Variants in ADGRL1 observed in about 807,000 individuals in gnomAD.
ADGRL1 encodes the protein CIRL-1.
In ADGRL1, 31 loss-of-function variants were observed where a neutral mutation model predicts 148.9. That is an observed-to-expected ratio of 0.21 (90% confidence interval 0.16 to 0.28). The LOEUF is 0.28. Ranked by LOEUF, ADGRL1 falls within the 10% of genes least tolerant of loss-of-function variation. The pLI, the probability that ADGRL1 is intolerant of heterozygous loss-of-function variation, is 1.00. For synonymous variants in ADGRL1, 937 were observed against 900.3 expected, an observed-to-expected ratio of 1.04 and a Z score of -0.73; for missense variants, 1,521 against 2,058.8, an observed-to-expected ratio of 0.74 and a Z score of 5.05.
chr19:14,163,465 G>GGAGA (rs71170599), intron 4 of ADGRL1, 59 bp from the exon 5 acceptor site: 9,288 of 700,420 alleles, frequency 0.013, 76 homozygotes, highest in African/African-American at 0.056. Flanking sequence ...GCGAGAGGGA[G>GGAGA]GAGAGAGAGA....
rs1968843224 is a variant in ADGRL1, at chr19:14,157,096, G to A, written c.2795C>T (p.Ala932Val). The A allele has an allele frequency of 5.0e-6, 8 of 1,614,144 alleles. No homozygotes were observed. The highest frequency in any genetic ancestry group is 6.8e-6 in the Non-Finnish European group (8 of 1,180,020). ...AGLLHYFFLA[A>V]FSWLCLEGVH... ...GCCCTCCAGGCACAGCCAGGAGAAG[G>A]CAGCCAGGAAGAAATAGTGCAGCAG... The change falls in exon 15 of 23, where the codon GCC (alanine) becomes GTC (valine). Residue 932 changes from alanine (A) to valine (V), a missense_variant. Transcript: ENST00000361434. This position sits in a 1 kb window ranked among gnomAD's most constrained non-coding sequence, Gnocchi z 7.5.
chr19:14,154,387 TC>T (rs1968518344), intron 18 of ADGRL1, among the ~76,000 whole-genome samples: 1 of 152,180 alleles, frequency 6.6e-6, no homozygotes, highest in Non-Finnish European at 1.5e-5. Context: ...CAGCTCCGTC[TC>T]CCCAGCTTCA....
chr19:14,157,141 G>A lies in ADGRL1; in HGVS notation c.2750C>T (p.Ala917Val), dbSNP rs752146728. The change falls in exon 15 of 23, where the codon GCC (alanine) becomes GTC (valine). Residue 917 changes from alanine to valine, a missense_variant. By Grantham distance (64) the Ala-to-Val change is moderately conservative. Coordinates refer to ENST00000361434, the MANE Select transcript of ADGRL1 (RefSeq NM_014921.5). This position sits in a 1 kb window ranked among gnomAD's most constrained non-coding sequence, Gnocchi z 7.5. ...CAGCAGGCCGGCGAAGATGGGGCAG[G>A]CAATCTGCGGGGAGCACTGAGGGTG... Reference protein sequence around the residue: ...VGIDKTQYEIACPIFAGLLHY... With the variant: ...VGIDKTQYEIVCPIFAGLLHY... The A allele has an allele frequency of 2.5e-6, 4 of 1,613,992 alleles. No individual in the cohort carries two copies. The highest frequency in any genetic ancestry group is 1.7e-4 in the Middle Eastern group (1 of 6,060).
intron 1 of ADGRL1, among the ~76,000 whole-genome samples, chr19:14,192,485 C>T (rs773761165): frequency 6.6e-6 from 1 of 151,912 alleles, no homozygotes; most frequent in Non-Finnish European, 1.5e-5. Flanking sequence ...AGGTGATCCA[C>T]CTGCCTTGGT....
chr19:14,151,033 A>G lies in ADGRL1; in HGVS notation c.4250T>C (p.Ile1417Thr). 1 of 1,065,438 alleles carries G rather than the reference A, an allele frequency of 9.4e-7. No individual in the cohort carries two copies. Among genetic ancestry groups the G allele is most frequent in the Non-Finnish European group, 1.2e-6 (1 of 844,930 alleles). 66.0% of individuals were successfully genotyped at this position (1,065,438 alleles called of 1,614,324 possible). A position where few individuals can be genotyped will look rare whatever the true frequency, so the allele number is the denominator to read the frequency against. Residue 1417 changes from isoleucine (I) to threonine (T), a missense_variant, in exon 23 of 23, where the codon ATC (isoleucine) becomes ACC (threonine). Physicochemically the swap from Ile to Thr is moderately conservative, Grantham distance 89. Coordinates refer to ENST00000361434, the MANE Select transcript of ADGRL1 (RefSeq NM_014921.5). ...GGCTGGCGGGCGCGAGGTGTAGTAG[A>G]TTTCGGGGGGGCCGGGGGGTGCGGG... is the stretch of plus-strand genomic sequence containing the variant. ...PPPAPPGPPE[I>T]YYTSRPPALV...
intron 3 of ADGRL1, among the ~76,000 whole-genome samples, chr19:14,175,504 ACACAC>A (rs959450039): frequency 2.6e-5 from 4 of 151,814 alleles, no homozygotes; most frequent in African/African-American, 9.7e-5. Context: ...GTACACTTAA[ACACAC>A]CCAAATACAC....
chr19:14,184,081 T>C (rs1441838767), intron 1 of ADGRL1, among the ~76,000 whole-genome samples: 1 of 152,110 alleles, frequency 6.6e-6, no homozygotes, highest in Non-Finnish European at 1.5e-5. Context: ...ATGAGTGTCC[T>C]CCCAAGTGAG....
chr19:14,159,728 G>T lies in ADGRL1; in HGVS notation c.1839+7C>A, dbSNP rs761742769. Reference sequence around the variant, plus strand: ...CGGTCCTTACACTGGGACCCCCTGGGTCTCACCTTGATATAATCCTTACAA... The same window carrying T: ...CGGTCCTTACACTGGGACCCCCTGGTTCTCACCTTGATATAATCCTTACAA... On this transcript the variant is annotated splice_region_variant and intron_variant, in intron 9 of 22. Coordinates refer to ENST00000361434, the MANE Select transcript of ADGRL1 (RefSeq NM_014921.5). The surrounding 1 kb of genome is among the most constrained non-coding windows in gnomAD (Gnocchi z 6.0). 29 of 1,613,620 alleles carry T rather than the reference G, an allele frequency of 1.8e-5. No homozygotes were observed. Among genetic ancestry groups the T allele is most frequent in the Non-Finnish European group, 2.5e-5 (29 of 1,179,654 alleles).
chr19:14,174,005 G>C (rs1422585750), intron 3 of ADGRL1, among the ~76,000 whole-genome samples: 2 of 151,608 alleles, frequency 1.3e-5, no homozygotes, highest in Non-Finnish European at 2.9e-5. Context: ...GTGGGGGTTG[G>C]GGACTCAGCG....
At position 14,177,292 on chromosome 19, in the gene ADGRL1, G is replaced by T. The variant is rs112585629; in HGVS notation, c.284+239C>A. 3.3e-5 allele frequency among the ~76,000 whole-genome samples: 5 copies of T among 152,276 alleles called. No homozygotes were observed. In the South Asian group the frequency reaches 6.2e-4, roughly 19 times the overall value. On this transcript the variant is annotated intron_variant, in intron 3 of 22. Coordinates refer to ENST00000361434, the MANE Select transcript of ADGRL1 (RefSeq NM_014921.5). The stretch of plus-strand genomic sequence containing the variant: ...GAAGTTATGGAAGCAAGAGGCTGGT[G>T]GGGGGAGGGACTTCCCAGTGTATGT...
Position 14,160,541 on chromosome 19 carries a change from G to A in ADGRL1, c.1614+52C>T. On this transcript the variant is annotated intron_variant, in intron 7 of 22. Transcript: ENST00000361434. This position sits in a 1 kb window ranked among gnomAD's most constrained non-coding sequence, Gnocchi z 5.9. Reference sequence around the variant, plus strand: ...TGCTCCACGACCCCCGCTGGGCCCTGGGCCCTGGGCCCGAGCACATGTGCC... The same window carrying A: ...TGCTCCACGACCCCCGCTGGGCCCTAGGCCCTGGGCCCGAGCACATGTGCC... 1 of 1,368,058 alleles carries A rather than the reference G, an allele frequency of 7.3e-7. No individual in the cohort carries two copies. Among genetic ancestry groups the A allele is most frequent in the African/African-American group, 1.4e-5 (1 of 69,620 alleles). 84.7% of individuals were successfully genotyped at this position (1,368,058 alleles called of 1,614,324 possible).
At chr19:14,187,607 C>G (rs1390677093) in intron 1 of ADGRL1, among the ~76,000 whole-genome samples, 1 of 148,322 alleles carries the variant, frequency 6.7e-6, no homozygotes, top group Non-Finnish European at 1.5e-5. Flanking sequence ...CGTCTCCCCC[C>G]ACATCCCTGA....
Position 14,151,610 on chromosome 19 carries a change from G to A in ADGRL1, c.3673C>T (p.Pro1225Ser), listed in dbSNP as rs1354894689. 6.3e-7 allele frequency: 1 copy of A among 1,596,752 alleles called. No homozygotes were observed. The highest frequency in any genetic ancestry group is 1.1e-5 in the South Asian group (1 of 89,886). Residue 1225 changes from proline to serine, a missense_variant, in exon 23 of 23, where the codon CCC becomes TCC. Transcript: ENST00000361434. ...CCACAGGCTTCCCGGCCTCCCAAGG[G>A]GTGCTCTGCAGGGCAGAAAGGGGCT... ...SPGSYREPKH[P>S]LGGREACGMD...
intron 1 of ADGRL1, among the ~76,000 whole-genome samples, chr19:14,201,430 TTTA>T (rs1188846708): frequency 2.0e-5 from 3 of 151,586 alleles, no homozygotes; most frequent in Non-Finnish European, 4.4e-5. Flanking sequence ...TTTTTTTTTT[TTTA>T]AGAGTCAGGA....
chr19:14,182,749 G>C (rs943566383), intron 2 of ADGRL1, among the ~76,000 whole-genome samples: 1 of 152,214 alleles, frequency 6.6e-6, no homozygotes, highest in African/African-American at 2.4e-5. Context: ...TGGATGGGCA[G>C]AGAACGTAGC....
intron 16 of ADGRL1, 118 bp downstream of exon 16, chr19:14,156,540 G>GGA (rs1175543677): frequency 1.3e-4 from 96 of 753,334 alleles, no homozygotes; most frequent in Admixed American, 4.4e-4. Flanking sequence ...TCCGATGTGT[G>GGA]GAGAGAGAGA....
At chr19:14,158,962 A>T in intron 11 of ADGRL1, 128 bp downstream of exon 11, 1 of 1,228,522 alleles carries the variant, frequency 8.1e-7, no homozygotes, top group Non-Finnish European at 1.1e-6. Flanking sequence ...AATCCCCTCA[A>T]ATTTTACACT....
At chr19:14,154,472 T>A (rs1010137083) in intron 18 of ADGRL1, among the ~76,000 whole-genome samples, 6 of 152,202 alleles carry the variant, frequency 3.9e-5, no homozygotes, top group African/African-American at 1.2e-4. Flanking sequence ...TTGGTTTTTT[T>A]AAATAGAGAC....
intron 2 of ADGRL1, among the ~76,000 whole-genome samples, chr19:14,178,765 G>T (rs981312754): frequency 5.3e-5 from 8 of 152,106 alleles, no homozygotes; most frequent in African/African-American, 1.9e-4. Context: ...TCCTGCCTTG[G>T]CCTCTCAAAG....
Sources: gnomAD v4.1 joint callset for allele counts (sites outside exome capture counted in the v4.1 genomes callset) on GRCh38, gnomAD v4.1.1 for gene constraint, Gnocchi (gnomAD v3.1) non-coding constraint, MANE v1.5 for transcripts, NCBI Gene and HGNC (gene_info 2026-07-23, HGNC 2026-07-21) for gene names.